E2F2: variants seen among roughly 807,000 people sequenced by gnomAD.
E2F2 encodes the protein E2F transcription factor 2.
In E2F2, 22 loss-of-function variants were observed where a neutral mutation model predicts 42.2. The observed-to-expected ratio is 0.52, with a 90% CI of 0.37 to 0.74. The LOEUF (loss-of-function observed/expected upper bound fraction) is 0.74. E2F2 is among the 30% of genes least tolerant of loss of function. The pLI is 0.00. For missense variants in E2F2, 481 were observed against 557.8 expected (o/e 0.86, Z 1.39); for synonymous variants, 248 against 251.6 (o/e 0.99, Z 0.13).
intron 2 of E2F2, among the ~76,000 whole-genome samples, chr1:23,524,101 CAACAAA>C (rs1365906897): frequency 7.6e-6 from 1 of 132,110 alleles, no homozygotes; most frequent in African/African-American, 2.9e-5. Context: ...ACAACAACAA[CAACAAA>C]AAAAAACACA....
chr1:23,529,357 C>T (rs1643301603), intron 1 of E2F2, among the ~76,000 whole-genome samples: 1 of 152,164 alleles, frequency 6.6e-6, no homozygotes, highest in Non-Finnish European at 1.5e-5. Flanking sequence ...GGAAGGTTAA[C>T]GTTTTGAACA....
At chr1:23,517,701 G>A (rs370207172) in intron 5 of E2F2, among the ~76,000 whole-genome samples, 2 of 152,212 alleles carry the variant, frequency 1.3e-5, no homozygotes, top group African/African-American at 4.8e-5. Flanking sequence ...ATATACCTCA[G>A]CAAATGGAGA....
downstream of E2F2, among the ~76,000 whole-genome samples, chr1:23,505,382 A>T (rs1364981857): frequency 6.6e-6 from 1 of 152,178 alleles, no homozygotes; most frequent in African/African-American, 2.4e-5. Flanking sequence ...CAAGTGTAGA[A>T]AGATCTCTCT....
At chr1:23,510,264 G>A in intron 6 of E2F2, 116 bp from the exon 7 acceptor site, 6 of 1,415,100 alleles carry the variant, frequency 4.2e-6, no homozygotes, top group Non-Finnish European at 5.5e-6. Flanking sequence ...CTTAGCCTGG[G>A]TGGACTGTCG....
intron 1 of E2F2, among the ~76,000 whole-genome samples, chr1:23,528,510 CTG>C (rs1210390012): frequency 2.0e-5 from 3 of 152,170 alleles, no homozygotes; most frequent in African/African-American, 7.2e-5. Flanking sequence ...GGGTGGTCTG[CTG>C]CAAGGAGACT....
Position 23,507,515 on chromosome 1 carries a change from CAAAAAAAAAAA to C in E2F2, c.*2354_*2364del, listed in dbSNP as rs758109798. 1 of 95,198 alleles carries C rather than the reference CAAAAAAAAAAA, an allele frequency of 1.1e-5. No homozygotes were observed. Among genetic ancestry groups the C allele is most frequent in the Non-Finnish European group, 2.1e-5 (1 of 46,726 alleles). The allele number at this position is 95,198 out of a possible 1,614,324, so 5.9% of individuals were successfully genotyped here. On this transcript the variant is annotated 3_prime_UTR_variant, in exon 7 of 7. Transcript: ENST00000361729. ...TGGGCAACAGAGCGAGACTCCATCT[CAAAAAAAAAAA>C]AAAAGAAGAAAAAAAGAAAAGAAAA... is the stretch of plus-strand genomic sequence containing the variant.
chr1:23,512,514 G>C (rs1412253854), intron 6 of E2F2, among the ~76,000 whole-genome samples: 1 of 152,176 alleles, frequency 6.6e-6, no homozygotes, highest in African/African-American at 2.4e-5. Flanking sequence ...CAGAGGCCTG[G>C]CTTGGGAGCG....
rs1642999795 is a variant in E2F2, at chr1:23,515,471, G to A, written c.1045+864C>T. Among the ~76,000 whole-genome samples, 3 of 152,108 alleles carry A rather than the reference G, an allele frequency of 2.0e-5. No individual in the cohort carries two copies. In the South Asian group the frequency reaches 6.2e-4, roughly 32 times the overall value. On this transcript the variant is annotated intron_variant, in intron 6 of 6. Coordinates refer to ENST00000361729, the MANE Select transcript of E2F2 (RefSeq NM_004091.4). The stretch of plus-strand genomic sequence containing the variant: ...TATGTAGACCAAGGTTCAAGACACA[G>A]CTCTGTTGCCTCCCAGCTGGGAGAC...
At chr1:23,528,974 A>C (rs1643294474) in intron 1 of E2F2, among the ~76,000 whole-genome samples, 1 of 152,182 alleles carries the variant, frequency 6.6e-6, no homozygotes, top group Admixed American at 6.5e-5. Flanking sequence ...GCACTTTGGG[A>C]GGCTGAGGCA....
rs1484797100 is a variant in E2F2 at position 23,519,018 on chromosome 1, C to T, written c.850G>A (p.Glu284Lys). Residue 284 changes from glutamate to lysine, a missense_variant and splice_region_variant, in exon 5 of 7, where the codon GAG (glutamate) becomes AAG (lysine). Transcript: ENST00000361729. ...QTRLEVPDRT[E>K]DNLQIYLKST... ...CCACCAAATATTTCCCCTCTCACCT[C>T]AGTCCTGTCGGGCACTTCCAGTCTC... The T allele has an allele frequency of 6.2e-7, 1 of 1,613,568 alleles. No individual in the cohort carries two copies. Among genetic ancestry groups the T allele is most frequent in the Non-Finnish European group, 8.5e-7 (1 of 1,179,582 alleles).
intron 6 of E2F2, among the ~76,000 whole-genome samples, chr1:23,515,845 C>G (rs145207541): frequency 2.0e-4 from 30 of 152,212 alleles, no homozygotes; most frequent in African/African-American, 7.0e-4. Context: ...GGACTACAGG[C>G]GTGTGCCACC....
At chr1:23,511,561 A>G (rs1043726269) in intron 6 of E2F2, among the ~76,000 whole-genome samples, 1 of 152,128 alleles carries the variant, frequency 6.6e-6, no homozygotes, top group Non-Finnish European at 1.5e-5. Context: ...AGATGTTAAG[A>G]CGGTGATTTC....
chr1:23,516,803 G>A (rs574410886), intron 5 of E2F2, among the ~76,000 whole-genome samples: 7 of 140,306 alleles, frequency 5.0e-5, no homozygotes, highest in South Asian at 2.7e-4. Flanking sequence ...TGGGGCGGGG[G>A]GGGGGGGGCA....
chr1:23,520,243 C>CAAAAAAAAAAA (rs66460864), intron 4 of E2F2, among the ~76,000 whole-genome samples: 3 of 78,892 alleles, frequency 3.8e-5, no homozygotes, highest in African/African-American at 2.5e-4. Context: ...GACTCTGTCT[C>CAAAAAAAAAAA]AAAAAAAAAA....
intron 3 of E2F2, 38 bp downstream of exon 3, chr1:23,521,799 A>T (rs755685893): frequency 6.2e-7 from 1 of 1,610,084 alleles, no homozygotes; most frequent in East Asian, 2.2e-5. Flanking sequence ...CAGCACAAGT[A>T]CCCATTGGAG....
chr1:23,530,654 G>GGT lies in E2F2; in HGVS notation c.138_139dup (p.Pro47HisfsTer100). The GGT allele has an allele frequency of 6.2e-7, 1 of 1,613,372 alleles. No homozygotes were observed. Among genetic ancestry groups the GGT allele is most frequent in the Non-Finnish European group, 8.5e-7 (1 of 1,179,774 alleles). ...GGGAGGCGCCGTCTGCGGGTACAGC[G>GGT]GTGTGTAGTAGGTAGCAGTAGCTGG... On this transcript the variant is annotated frameshift_variant, in exon 1 of 7. Transcript: ENST00000361729. LOFTEE classifies it high-confidence loss of function. The surrounding 1 kb of genome is among the most constrained non-coding windows in gnomAD (Gnocchi z 4.4).
At chr1:23,506,272 G>C (rs893119515), downstream of E2F2, among the ~76,000 whole-genome samples, 16 of 152,134 alleles carry the variant, frequency 1.1e-4, no homozygotes, top group Non-Finnish European at 7.3e-5. Flanking sequence ...TTAATGGTGA[G>C]ATTGCAGGCA....
At chr1:23,526,012 C>T (rs969228083) in intron 1 of E2F2, among the ~76,000 whole-genome samples, 1 of 151,970 alleles carries the variant, frequency 6.6e-6, no homozygotes, top group Non-Finnish European at 1.5e-5. Flanking sequence ...CCCCTTCCCC[C>T]ACTCCTGCCC....
At chr1:23,527,933 C>T (rs1643277434) in intron 1 of E2F2, among the ~76,000 whole-genome samples, 1 of 152,254 alleles carries the variant, frequency 6.6e-6, no homozygotes, top group Non-Finnish European at 1.5e-5. Flanking sequence ...CACCTGAGGT[C>T]AGGAGTTCGA....
Sources: allele counts gnomAD v4.1 joint callset (sites outside exome capture counted in the v4.1 genomes callset), GRCh38; gene constraint gnomAD v4.1.1; non-coding constraint Gnocchi (gnomAD v3.1); transcripts MANE v1.5; gene names NCBI Gene and HGNC (gene_info 2026-07-23, HGNC 2026-07-21).